BABAM2: variants seen among roughly 807,000 people sequenced by gnomAD.
BABAM2 encodes BRISC and BRCA1-A complex member 2.
In BABAM2, 31 loss-of-function variants were observed where a neutral mutation model predicts 54.7. The ratio of observed to expected loss-of-function variants is 0.57; its 90% CI spans 0.43 to 0.77. The LOEUF (loss-of-function observed/expected upper bound fraction) is 0.77. BABAM2 is among the 30% of genes least tolerant of loss of function. The pLI, the probability that BABAM2 is intolerant of heterozygous loss-of-function variation, is 0.00. For synonymous variants in BABAM2, 167 were observed against 162.9 expected (o/e 1.03, Z -0.19); for missense variants, 364 against 455.8 (o/e 0.80, Z 1.83).
At chr2:28,050,539 C>T (rs1353395726) in intron 6 of BABAM2, among the ~76,000 whole-genome samples, 1 of 152,140 alleles carries the variant, frequency 6.6e-6, no homozygotes, top group Non-Finnish European at 1.5e-5. Flanking sequence ...GAGTGCGGTA[C>T]TGTGCAGAAC....
At chr2:27,956,854 C>A (rs1202928656) in intron 3 of BABAM2, among the ~76,000 whole-genome samples, 1 of 152,086 alleles carries the variant, frequency 6.6e-6, no homozygotes, top group Non-Finnish European at 1.5e-5. Flanking sequence ...CTTAATAGAT[C>A]AATTCTTATT....
At chr2:28,085,003 G>A (rs1375915911) in intron 6 of BABAM2, among the ~76,000 whole-genome samples, 1 of 152,118 alleles carries the variant, frequency 6.6e-6, no homozygotes, top group Non-Finnish European at 1.5e-5. Context: ...AAAGAAGACA[G>A]CTCTTACAGA....
At chr2:28,018,887 G>T (rs770732993) in intron 4 of BABAM2, among the ~76,000 whole-genome samples, 4 of 152,198 alleles carry the variant, frequency 2.6e-5, no homozygotes, top group Admixed American at 1.3e-4. Context: ...GGACGTGCAG[G>T]TTTGTTATAT....
chr2:28,149,940 A>T (rs1397093783), intron 7 of BABAM2, among the ~76,000 whole-genome samples: 1 of 152,188 alleles, frequency 6.6e-6, no homozygotes, highest in African/African-American at 2.4e-5. Context: ...TTGATGGTTA[A>T]AATCATATTT....
chr2:27,948,640 G>T (rs1390145180), intron 3 of BABAM2, among the ~76,000 whole-genome samples: 3 of 152,114 alleles, frequency 2.0e-5, no homozygotes, highest in African/African-American at 7.2e-5. Context: ...GCATGATGGC[G>T]CATGCCTGTA....
At chr2:28,214,770 G>T (rs754908262) in intron 7 of BABAM2, among the ~76,000 whole-genome samples, 6 of 151,260 alleles carry the variant, frequency 4.0e-5, no homozygotes, top group Non-Finnish European at 3.0e-5. Flanking sequence ...TCTATTCCTA[G>T]TTTGCTGAAG....
At chr2:28,219,911 G>A (rs1358778632) in intron 7 of BABAM2, among the ~76,000 whole-genome samples, 1 of 152,162 alleles carries the variant, frequency 6.6e-6, no homozygotes, top group African/African-American at 2.4e-5. Context: ...AGGGACTTTG[G>A]TGAGAAAAAT....
intron 4 of BABAM2, among the ~76,000 whole-genome samples, chr2:27,998,995 A>G (rs896662876): frequency 4.6e-5 from 7 of 152,208 alleles, no homozygotes; most frequent in African/African-American, 2.4e-5. Context: ...GTAGCAAATT[A>G]CAGTACAGTA....
chr2:28,290,983 A>G (rs1206865358), intron 10 of BABAM2, among the ~76,000 whole-genome samples: 1 of 152,222 alleles, frequency 6.6e-6, no homozygotes, highest in Non-Finnish European at 1.5e-5. Context: ...TAGATGGAAG[A>G]AAAAAACCAC....
chr2:28,147,815 C>T (rs1416050779), intron 7 of BABAM2, among the ~76,000 whole-genome samples: 2 of 152,160 alleles, frequency 1.3e-5, no homozygotes, highest in Non-Finnish European at 2.9e-5. Flanking sequence ...CATGTCTCAA[C>T]GTGGATGTTG....
At chr2:28,172,994 G>A (rs940619968) in intron 7 of BABAM2, among the ~76,000 whole-genome samples, 4 of 152,242 alleles carry the variant, frequency 2.6e-5, no homozygotes, top group Admixed American at 6.5e-5. Flanking sequence ...CCTTCTCGCC[G>A]TGTCCTCTTA....
At chr2:28,051,055 G>C (rs1340836624) in intron 6 of BABAM2, among the ~76,000 whole-genome samples, 1 of 152,188 alleles carries the variant, frequency 6.6e-6, no homozygotes, top group Non-Finnish European at 1.5e-5. Context: ...GGGTTATCAT[G>C]GTAAGAGCTA....
chr2:28,193,020 A>G (rs968984190), intron 7 of BABAM2, among the ~76,000 whole-genome samples: 1 of 151,836 alleles, frequency 6.6e-6, no homozygotes, highest in African/African-American at 2.4e-5. Flanking sequence ...AAAAATACAA[A>G]AAAAGTAGCT....
chr2:28,164,318 C>A (rs542563656), intron 7 of BABAM2, among the ~76,000 whole-genome samples: 4 of 152,258 alleles, frequency 2.6e-5, no homozygotes, highest in South Asian at 4.1e-4. Context: ...CCTACACCCC[C>A]ACGTGGAGTT....
intron 11 of BABAM2, among the ~76,000 whole-genome samples, chr2:28,317,561 G>A (rs572093206): frequency 2.6e-5 from 4 of 152,306 alleles, no homozygotes; most frequent in South Asian, 4.1e-4. Flanking sequence ...CCAGGGCAGC[G>A]ATCATGGGAT....
At chr2:27,977,604 T>C (rs529477029) in intron 3 of BABAM2, among the ~76,000 whole-genome samples, 1 of 152,330 alleles carries the variant, frequency 6.6e-6, no homozygotes, top group South Asian at 2.1e-4. Context: ...CATTTATCAA[T>C]AGAAGTTTAA....
At chr2:28,158,683 G>A (rs1672778690) in intron 7 of BABAM2, among the ~76,000 whole-genome samples, 1 of 152,142 alleles carries the variant, frequency 6.6e-6, no homozygotes, top group Non-Finnish European at 1.5e-5. Flanking sequence ...ATTATAATAA[G>A]GCTATGTAAT....
intron 6 of BABAM2, among the ~76,000 whole-genome samples, chr2:28,057,021 G>A (rs772979803): frequency 1.3e-5 from 2 of 152,126 alleles, no homozygotes; most frequent in Non-Finnish European, 2.9e-5. Context: ...TATTATAGCA[G>A]CAACACTTGT....
intron 7 of BABAM2, among the ~76,000 whole-genome samples, chr2:28,178,313 T>C (rs562267951): frequency 1.3e-5 from 2 of 152,194 alleles, no homozygotes; most frequent in East Asian, 1.9e-4. Context: ...TCTCAGACTA[T>C]AGTGGAATAA....
Sources: gnomAD v4.1 joint callset for allele counts (sites outside exome capture counted in the v4.1 genomes callset) on GRCh38, gnomAD v4.1.1 for gene constraint, MANE v1.5 for transcripts, NCBI Gene and HGNC (gene_info 2026-07-23, HGNC 2026-07-21) for gene names.